The following TTC21A variants were observed in gnomAD, a reference collection of about 807,000 sequenced individuals.
TTC21A encodes the protein tetratricopeptide repeat protein 21A.
TTC21A carries 128 observed loss-of-function variants against 156.4 expected under a neutral mutation model. That is an observed-to-expected ratio of 0.82 (90% CI 0.71 to 0.95). The LOEUF (loss-of-function observed/expected upper bound fraction) is 0.95. Among genes scored for constraint, TTC21A ranks in the 40% least tolerant of loss-of-function variants. The pLI, the probability that TTC21A is intolerant of heterozygous loss-of-function variation, is 0.00. For synonymous variants in TTC21A, 587 were observed against 617.1 expected, an observed-to-expected ratio of 0.95 and a Z score of 0.72; for missense variants, 1,435 against 1,602.3, an observed-to-expected ratio of 0.90 and a Z score of 1.78.
intron 20 of TTC21A, 100 bp downstream of exon 20, chr3:39,133,340 T>C: frequency 8.2e-7 from 1 of 1,218,638 alleles, no homozygotes; most frequent in Non-Finnish European, 1.1e-6. Context: ...TCTCCATTCT[T>C]CCCTGAGGAG....
chr3:39,132,189 G>T (rs1014454443), intron 19 of TTC21A, among the ~76,000 whole-genome samples: 1 of 152,140 alleles, frequency 6.6e-6, no homozygotes, highest in Non-Finnish European at 1.5e-5. Flanking sequence ...CATAGAAAAT[G>T]TACAGTAAAA....
rs371081078 is a variant in TTC21A, at chr3:39,136,961, G to C, written c.3158G>C (p.Trp1053Ser). The C allele has an allele frequency of 6.2e-7, 1 of 1,614,118 alleles. No homozygotes were observed. The highest frequency in any genetic ancestry group is 1.3e-5 in the African/African-American group (1 of 74,950). ...AACAAGGCACGCAAGGACAGCACTT[G>C]GGGCCAGAGCGCCATCTACCACATG... ...FLNKARKDSTWGQSAIYHMVQ... is the reference protein window; with the variant it reads ...FLNKARKDSTSGQSAIYHMVQ... The change falls in exon 24 of 29, where the codon TGG (tryptophan) becomes TCG (serine). Residue 1053 changes from tryptophan (W) to serine (S), a missense_variant. Coordinates refer to ENST00000683103, the MANE Select transcript of TTC21A (RefSeq NM_001366900.1).
chr3:39,138,689 A>T, intron 28 of TTC21A, 22 bp from the exon 29 acceptor site: 1 of 1,613,912 alleles, frequency 6.2e-7, no homozygotes, highest in Non-Finnish European at 8.5e-7. Context: ...GATACTGCAC[A>T]CCCATTCTCT....
intron 9 of TTC21A, among the ~76,000 whole-genome samples, chr3:39,121,459 G>A (rs2037762160): frequency 6.6e-6 from 1 of 152,200 alleles, no homozygotes; most frequent in South Asian, 2.1e-4. Flanking sequence ...CTGACAGGCT[G>A]AACCTTATAC....
At chr3:39,117,803 C>G (rs2037418641) in intron 6 of TTC21A, among the ~76,000 whole-genome samples, 1 of 152,140 alleles carries the variant, frequency 6.6e-6, no homozygotes, top group Non-Finnish European at 1.5e-5. Context: ...GGAAGGCATG[C>G]TGGTAGGGCA....
In TTC21A at chr3:39,119,934, G is replaced by A. The variant is rs763248829; in HGVS notation, c.814G>A (p.Val272Ile). Residue 272 changes from valine (V) to isoleucine (I), a missense_variant, in exon 8 of 29, where the codon GTT becomes ATT. By Grantham distance (29) the Val-to-Ile change is conservative. Transcript: ENST00000683103. The part of the protein sequence containing the change: ...EGNMTTATNH[V>I]RNLIKALETR... ...TTTGTCCCTGCAGGCTACCAATCACGTTAGAAATCTGATTAAGGCACTAGA... is the reference window on the plus strand; with the variant it reads ...TTTGTCCCTGCAGGCTACCAATCACATTAGAAATCTGATTAAGGCACTAGA... The A allele has an allele frequency of 1.6e-5, 25 of 1,605,866 alleles. No individual in the cohort carries two copies. Among genetic ancestry groups the A allele is most frequent in the Middle Eastern group, 1.7e-4 (1 of 6,038 alleles).
At chr3:39,128,298 C>T (rs773484895) in intron 12 of TTC21A, 33 bp from the exon 13 acceptor site, 1 of 1,607,448 alleles carries the variant, frequency 6.2e-7, no homozygotes, top group Admixed American at 1.7e-5. Context: ...CCCTTGGGAA[C>T]CCTGCATGTA....
chr3:39,133,155 C>T lies in TTC21A; in HGVS notation c.2666C>T (p.Ala889Val), dbSNP rs1000942962. The change falls in exon 20 of 29, where the codon GCA (alanine) becomes GTA (valine). Residue 889 changes from alanine (A) to valine (V), a missense_variant. Ala to Val is a moderately conservative substitution (Grantham distance 64). Transcript: ENST00000683103. ...QLAASICIQF[A>V]EHYLAEKEYD... ...GCAGCCTCTATCTGCATCCAATTTG[C>T]AGAGCACTACCTGGCAGAGAAAGAG... The T allele has an allele frequency of 1.9e-6, 3 of 1,614,106 alleles. No homozygotes were observed. The African/African-American group carries it at 4.0e-5, about 22-fold the overall frequency.
chr3:39,134,930 G>C lies in TTC21A; in HGVS notation c.2863-163G>C. On this transcript the variant is annotated intron_variant, in intron 21 of 28. Transcript: ENST00000683103. This position sits in a 1 kb window ranked among gnomAD's most constrained non-coding sequence, Gnocchi z 4.6. ...GGGTGGGGGCCTGAGAAACCCTCAG[G>C]CTTCTCCTGTGGCAGCTTCTCACAA... is the stretch of plus-strand genomic sequence containing the variant. The C allele has an allele frequency of 1.6e-6, 1 of 642,688 alleles. No individual in the cohort carries two copies. 39.8% of individuals were successfully genotyped at this position (642,688 alleles called of 1,614,324 possible).
intron 8 of TTC21A, 96 bp from the exon 9 acceptor site, chr3:39,120,901 C>A: frequency 8.8e-7 from 1 of 1,142,518 alleles, no homozygotes; most frequent in Non-Finnish European, 1.2e-6. Flanking sequence ...GGCCTACCAG[C>A]CCTGCCTACC....
At chr3:39,122,200 A>G (rs553707589) in intron 9 of TTC21A, among the ~76,000 whole-genome samples, 2 of 151,998 alleles carry the variant, frequency 1.3e-5, no homozygotes, top group Admixed American at 1.3e-4. Flanking sequence ...AATCCCAGCT[A>G]TTTGGGACGC....
Position 39,137,049 on chromosome 3 carries a change from A to T in TTC21A, c.3246A>T (p.Gly1082=), listed in dbSNP as rs746070646. 7 of 1,611,886 alleles carry T rather than the reference A, an allele frequency of 4.3e-6. No homozygotes were observed. Among genetic ancestry groups the T allele is most frequent in the Non-Finnish European group, 5.9e-6 (7 of 1,179,366 alleles). ...VVGGEAFENQ[G]AESNYMEKKE... is the part of the protein sequence containing the mutation. Reference sequence around the variant, plus strand: ...GCGGAGAGGCTTTTGAGAACCAGGGAGCTGAGAGCAAGTAAGGGCCCATGG... The same window carrying T: ...GCGGAGAGGCTTTTGAGAACCAGGGTGCTGAGAGCAAGTAAGGGCCCATGG... The change falls in exon 24 of 29, where the codon GGA becomes GGT. Residue 1082 remains glycine (G), a synonymous_variant. Coordinates refer to ENST00000683103, the MANE Select transcript of TTC21A (RefSeq NM_001366900.1).
intron 6 of TTC21A, 99 bp downstream of exon 6, chr3:39,114,841 C>A: frequency 7.0e-7 from 1 of 1,420,132 alleles, no homozygotes; most frequent in Non-Finnish European, 9.7e-7. Context: ...GTAAATATCG[C>A]CCATAGAGGA....
Position 39,107,879 on chromosome 3 carries a change from C to T in TTC21A, c.27+15C>T, listed in dbSNP as rs2036344393. 6.2e-7 allele frequency: 1 copy of T among 1,612,188 alleles called. No homozygotes were observed. Among genetic ancestry groups the T allele is most frequent in the Non-Finnish European group, 8.5e-7 (1 of 1,179,926 alleles). On this transcript the variant is annotated intron_variant, in intron 1 of 28. Coordinates refer to ENST00000683103, the MANE Select transcript of TTC21A (RefSeq NM_001366900.1). ...CCTCCCTTATGGTGCGTGGCCCGGG[C>T]GCTGTCCGAGGGCTCCCTCGTGACT... is the stretch of plus-strand genomic sequence containing the variant.
chr3:39,130,023 A>G lies in TTC21A; in HGVS notation c.2136-56A>G, dbSNP rs377751068. 6.7e-5 allele frequency: 102 copies of G among 1,532,854 alleles called. No individual in the cohort carries two copies. The highest frequency in any genetic ancestry group is 1.4e-4 in the Admixed American group (8 of 57,634). 95.0% of individuals were successfully genotyped at this position (1,532,854 alleles called of 1,614,324 possible). On this transcript the variant is annotated intron_variant, in intron 15 of 28. Transcript: ENST00000683103. The surrounding 1 kb of genome is among the most constrained non-coding windows in gnomAD (Gnocchi z 4.5). The stretch of plus-strand genomic sequence containing the variant: ...GGAAGGAAGTGAAGGAGATGATTTC[A>G]GGAACATGAGGTGTGTGCGAACCTG...
chr3:39,130,078 G>C lies in TTC21A; in HGVS notation c.2136-1G>C. The C allele has an allele frequency of 6.2e-7, 1 of 1,614,112 alleles. No homozygotes were observed. Among genetic ancestry groups the C allele is most frequent in the South Asian group, 1.1e-5 (1 of 91,022 alleles). Reference sequence around the variant, plus strand: ...AAGCTTTTGGTTACTCTTGCTTGCAGTGAGCTCTGTGAACATCTGCCTGGC... The same window carrying C: ...AAGCTTTTGGTTACTCTTGCTTGCACTGAGCTCTGTGAACATCTGCCTGGC... On this transcript the variant is annotated splice_acceptor_variant, in intron 15 of 28. Coordinates refer to ENST00000683103, the MANE Select transcript of TTC21A (RefSeq NM_001366900.1). LOFTEE classifies it high-confidence loss of function. This position sits in a 1 kb window ranked among gnomAD's most constrained non-coding sequence, Gnocchi z 4.5.
At chr3:39,138,433 G>A in intron 27 of TTC21A, 46 bp downstream of exon 27, 2 of 1,613,614 alleles carry the variant, frequency 1.2e-6, no homozygotes, top group Non-Finnish European at 1.7e-6. Context: ...TGGGAGGGAG[G>A]TGGGCAGGAG....
At chr3:39,109,349 CACGGGAATCCACAGAGGCCT>C in intron 2 of TTC21A, 135 bp downstream of exon 2, 1 of 951,500 alleles carries the variant, frequency 1.1e-6, no homozygotes, top group Non-Finnish European at 1.5e-6. Flanking sequence ...GCTGGATTCC[CACGGGAATCCACAGAGGCCT>C]ACGTAATCCA....
At chr3:39,126,475 T>TACAC (rs59925253) in intron 12 of TTC21A, 85 bp downstream of exon 12, 13,457 of 519,122 alleles carry the variant, frequency 0.026, 145 homozygotes, top group African/African-American at 0.041. Context: ...CCTAGGATAC[T>TACAC]ACACACACAC....
Sources: allele counts gnomAD v4.1 joint callset (sites outside exome capture counted in the v4.1 genomes callset), GRCh38; gene constraint gnomAD v4.1.1; non-coding constraint Gnocchi (gnomAD v3.1); transcripts MANE v1.5; gene names NCBI Gene and HGNC (gene_info 2026-07-23, HGNC 2026-07-21).